The following IQCH variants were observed in gnomAD, a reference collection of about 807,000 sequenced individuals.
IQCH encodes the protein IQ domain-containing protein H.
A neutral mutation model predicts 117.0 loss-of-function variants in IQCH; 98 were observed. The observed-to-expected ratio is 0.84, with a 90% CI of 0.71 to 0.99. The LOEUF is 0.99. IQCH is among the 50% of genes least tolerant of loss of function. The probability of loss-of-function intolerance (pLI) is 0.00; values close to 1 mark genes in which losing one functional copy is unlikely to be tolerated. For missense variants in IQCH, 1,102 were observed against 1,243.8 expected (o/e 0.89, Z 1.72); for synonymous variants, 412 against 448.2 (o/e 0.92, Z 1.02).
At chr15:67,357,229 G>A (rs1596249649) in intron 6 of IQCH, 116 bp from the exon 7 acceptor site, 2 of 716,376 alleles carry the variant, frequency 2.8e-6, no homozygotes, top group Admixed American at 2.0e-5. Context: ...GAAAGGTAGT[G>A]AGCGCACAGT....
At chr15:67,461,321 G>C (rs931105339) in intron 16 of IQCH, among the ~76,000 whole-genome samples, 1 of 152,238 alleles carries the variant, frequency 6.6e-6, no homozygotes, top group Non-Finnish European at 1.5e-5. Flanking sequence ...CCAGCCTCAA[G>C]TGACCCACCT....
intron 6 of IQCH, among the ~76,000 whole-genome samples, chr15:67,354,427 C>A (rs1440531005): frequency 6.6e-6 from 1 of 152,042 alleles, no homozygotes; most frequent in African/African-American, 2.4e-5. Flanking sequence ...CTGGATGGAG[C>A]AGAATAGAAG....
Position 67,431,975 on chromosome 15 carries a change from G to A in IQCH, c.2505+10398G>A, listed in dbSNP as rs2082030610. ...CACTTAAGCCCAGGAGTTGGAGGCTGGCTGCAATAAGCTAGGATCTCGCCA... is the reference window on the plus strand; with the variant it reads ...CACTTAAGCCCAGGAGTTGGAGGCTAGCTGCAATAAGCTAGGATCTCGCCA... On this transcript the variant is annotated intron_variant, in intron 16 of 20. Coordinates refer to ENST00000335894, the MANE Select transcript of IQCH (RefSeq NM_001031715.3). This position sits in a 1 kb window ranked among gnomAD's most constrained non-coding sequence, Gnocchi z 4.8. 6.6e-6 allele frequency among the ~76,000 whole-genome samples: 1 copy of A among 152,106 alleles called. No homozygotes were observed. The highest frequency in any genetic ancestry group is 6.5e-5 in the Admixed American group (1 of 15,268).
At position 67,344,057 on chromosome 15, in the gene IQCH, T is replaced by C. The variant is rs1969280241; in HGVS notation, c.509-6T>C. ...AAACTCACATTTTATTAATGTTTCT[T>C]TTTAGGGATTTTAAGTATGATAGAA... On this transcript the variant is annotated splice_polypyrimidine_tract_variant and splice_region_variant and intron_variant, in intron 5 of 20. Transcript: ENST00000335894. 6 of 1,609,598 alleles carry C rather than the reference T, an allele frequency of 3.7e-6. No individual in the cohort carries two copies. Among genetic ancestry groups the C allele is most frequent in the South Asian group, 1.1e-5 (1 of 90,388 alleles).
At chr15:67,332,662 G>C (rs540405390) in intron 4 of IQCH, among the ~76,000 whole-genome samples, 1 of 152,340 alleles carries the variant, frequency 6.6e-6, no homozygotes, top group South Asian at 2.1e-4. Flanking sequence ...AATCTGGATG[G>C]TGCAAAAATT....
At chr15:67,440,848 C>G (rs1215351003) in intron 16 of IQCH, among the ~76,000 whole-genome samples, 2 of 151,990 alleles carry the variant, frequency 1.3e-5, no homozygotes, top group Non-Finnish European at 2.9e-5. Flanking sequence ...TTTAACAGTA[C>G]TGGAAGTCCT....
At chr15:67,255,017 G>C in intron 1 of IQCH, 70 bp downstream of exon 1, 4 of 1,471,694 alleles carry the variant, frequency 2.7e-6, no homozygotes, top group Non-Finnish European at 3.8e-6. Context: ...CCCGCGCGCC[G>C]ATTCACCGAC....
chr15:67,312,801 G>GT (rs1967664227), intron 4 of IQCH, among the ~76,000 whole-genome samples: 1 of 152,122 alleles, frequency 6.6e-6, no homozygotes, highest in African/African-American at 2.4e-5. Flanking sequence ...TAATAGGATT[G>GT]TTTTTATCAT....
chr15:67,324,416 C>G (rs1968302368), intron 4 of IQCH, among the ~76,000 whole-genome samples: 1 of 151,590 alleles, frequency 6.6e-6, no homozygotes, highest in Non-Finnish European at 1.5e-5. Flanking sequence ...TCGAGACCAA[C>G]CTGGCCAACA....
chr15:67,332,798 A>G (rs552207293), intron 4 of IQCH, among the ~76,000 whole-genome samples: 6 of 152,256 alleles, frequency 3.9e-5, no homozygotes, highest in African/African-American at 1.4e-4. Flanking sequence ...AGATCTAAAC[A>G]TTTTTCAGAG....
chr15:67,278,012 T>TTCCTAATTA (rs1966200883), intron 3 of IQCH, among the ~76,000 whole-genome samples: 1 of 152,152 alleles, frequency 6.6e-6, no homozygotes, highest in African/African-American at 2.4e-5. Context: ...TACTCTATAA[T>TTCCTAATTA]TAGGTGTCAG....
intron 13 of IQCH, among the ~76,000 whole-genome samples, chr15:67,396,860 TA>T (rs1418853617): frequency 2.6e-5 from 4 of 152,244 alleles, no homozygotes; most frequent in African/African-American, 9.6e-5. Context: ...ATTAGCTTAT[TA>T]AATTGCCAGC....
Position 67,359,715 on chromosome 15 carries a change from G to A in IQCH, c.715-132G>A, listed in dbSNP as rs1191491357. On this transcript the variant is annotated intron_variant, in intron 7 of 20. Coordinates refer to ENST00000335894, the MANE Select transcript of IQCH (RefSeq NM_001031715.3). This position sits in a 1 kb window ranked among gnomAD's most constrained non-coding sequence, Gnocchi z 4.5. Reference sequence around the variant, plus strand: ...TTTCTAATTATTAGCTCCTGCCTGCGTGGAAAGAGAGAACAGGCTGGCCCA... The same window carrying A: ...TTTCTAATTATTAGCTCCTGCCTGCATGGAAAGAGAGAACAGGCTGGCCCA... 5.1e-6 allele frequency: 4 copies of A among 779,838 alleles called. No homozygotes were observed. The highest frequency in any genetic ancestry group is 2.5e-5 in the East Asian group (1 of 40,128). 48.3% of individuals were successfully genotyped at this position (779,838 alleles called of 1,614,324 possible).
rs182679354 is a variant in IQCH at position 67,416,323 on chromosome 15, G to A, written c.2098-608G>A. On this transcript the variant is annotated intron_variant, in intron 14 of 20. Transcript: ENST00000335894. The surrounding 1 kb of genome is among the most constrained non-coding windows in gnomAD (Gnocchi z 5.1). ...ACCTGAGGTCGGGAGTTTGAGACCA[G>A]CCTGACCAACATGGAGAAACCCCGT... Among the ~76,000 whole-genome samples, 606 of 152,126 alleles carry A rather than the reference G, an allele frequency of 4.0e-3. 12 individuals are homozygous for A. The highest frequency in any genetic ancestry group is 0.012 in the African/African-American group (507 of 41,510).
Position 67,366,568 on chromosome 15 carries a change from A to G in IQCH, c.754-5543A>G, listed in dbSNP as rs920342908. The stretch of plus-strand genomic sequence containing the variant: ...CAAAGCAATTGCAGAAATTATTCCT[A>G]GAAAATTGCTGCTGATCTGAGTGGC... On this transcript the variant is annotated intron_variant, in intron 8 of 20. Coordinates refer to ENST00000335894, the MANE Select transcript of IQCH (RefSeq NM_001031715.3). The surrounding 1 kb of genome is among the most constrained non-coding windows in gnomAD (Gnocchi z 4.4). Among the ~76,000 whole-genome samples, 1 of 152,242 alleles carries G rather than the reference A, an allele frequency of 6.6e-6. No homozygotes were observed. The highest frequency in any genetic ancestry group is 6.5e-5 in the Admixed American group (1 of 15,282).
At position 67,356,158 on chromosome 15, in the gene IQCH, T is replaced by C. The variant is rs1567122446; in HGVS notation, c.638-1187T>C. 6.6e-6 allele frequency among the ~76,000 whole-genome samples: 1 copy of C among 152,156 alleles called. No homozygotes were observed. The highest frequency in any genetic ancestry group is 6.5e-5 in the Admixed American group (1 of 15,276). On this transcript the variant is annotated intron_variant, in intron 6 of 20. Coordinates refer to ENST00000335894, the MANE Select transcript of IQCH (RefSeq NM_001031715.3). This position sits in a 1 kb window ranked among gnomAD's most constrained non-coding sequence, Gnocchi z 5.3. Reference sequence around the variant, plus strand: ...CAGAATGTGGACTTACCTTCAGAAGTGGGAGAGCAAACTCCAAAGTGGACA... The same window carrying C: ...CAGAATGTGGACTTACCTTCAGAAGCGGGAGAGCAAACTCCAAAGTGGACA...
At position 67,370,939 on chromosome 15, in the gene IQCH, C is replaced by T. The variant is rs1030070883; in HGVS notation, c.754-1172C>T. On this transcript the variant is annotated intron_variant, in intron 8 of 20. Coordinates refer to ENST00000335894, the MANE Select transcript of IQCH (RefSeq NM_001031715.3). This position sits in a 1 kb window ranked among gnomAD's most constrained non-coding sequence, Gnocchi z 5.6. Reference sequence around the variant, plus strand: ...AGTAATACTCAACACAGTGCTGTGGCGTAATCATTATGGATAAATTGCTGG... The same window carrying T: ...AGTAATACTCAACACAGTGCTGTGGTGTAATCATTATGGATAAATTGCTGG... 2.1e-5 allele frequency among the ~76,000 whole-genome samples: 3 copies of T among 143,976 alleles called. No homozygotes were observed. The highest frequency in any genetic ancestry group is 2.2e-4 in the South Asian group (1 of 4,454). 94.5% of individuals were successfully genotyped at this position (143,976 alleles called of 152,430 possible).
chr15:67,313,774 A>G (rs752240906), intron 4 of IQCH, among the ~76,000 whole-genome samples: 2 of 152,224 alleles, frequency 1.3e-5, no homozygotes, highest in African/African-American at 2.4e-5. Flanking sequence ...TAATGCAGAC[A>G]GCTTCTGAAA....
At chr15:67,331,939 C>G (rs1421733098) in intron 4 of IQCH, among the ~76,000 whole-genome samples, 1 of 152,136 alleles carries the variant, frequency 6.6e-6, no homozygotes, top group Non-Finnish European at 1.5e-5. Context: ...GTCACTGGTC[C>G]ACATTTAGCC....
Sources: allele counts gnomAD v4.1 joint callset (sites outside exome capture counted in the v4.1 genomes callset), GRCh38; gene constraint gnomAD v4.1.1; non-coding constraint Gnocchi (gnomAD v3.1); transcripts MANE v1.5; gene names NCBI Gene and HGNC (gene_info 2026-07-23, HGNC 2026-07-21).